Variants in IL1RL2 observed in about 807,000 individuals in gnomAD.
IL1RL2 encodes interleukin 1 receptor like 2.
In IL1RL2, 68 loss-of-function variants were observed where a neutral mutation model predicts 66.8. The observed-to-expected ratio is 1.02, with a 90% CI of 0.84 to 1.25. The LOEUF is 1.25. Among genes scored for constraint, IL1RL2 ranks in the 50% most tolerant of loss-of-function variants. IL1RL2 has a pLI of 0.00. For missense variants in IL1RL2, 729 were observed against 709.3 expected, an observed-to-expected ratio of 1.03 and a Z score of -0.32; for synonymous variants, 305 against 264.6, an observed-to-expected ratio of 1.15 and a Z score of -1.48.
At chr2:102,220,396 T>C (rs1690000493) in intron 8 of IL1RL2, among the ~76,000 whole-genome samples, 1 of 152,236 alleles carries the variant, frequency 6.6e-6, no homozygotes, top group Non-Finnish European at 1.5e-5. Context: ...ATTTTTACCA[T>C]GGAACTTTGT....
At chr2:102,224,924 C>T (rs928519186) in intron 8 of IL1RL2, among the ~76,000 whole-genome samples, 12 of 152,152 alleles carry the variant, frequency 7.9e-5, no homozygotes, top group Non-Finnish European at 1.8e-4. Context: ...AACCCTCTTC[C>T]TCCCCTCCTC....
chr2:102,194,906 CA>C (rs1687535012), intron 4 of IL1RL2, among the ~76,000 whole-genome samples: 2 of 137,010 alleles, frequency 1.5e-5, no homozygotes, highest in African/African-American at 2.5e-5. Context: ...CAGGAGGTAT[CA>C]TTTTTTTTTT....
chr2:102,187,344 T>C, intron 1 of IL1RL2: 1 of 1,168,452 alleles, frequency 8.6e-7, no homozygotes, highest in East Asian at 6.0e-5. Context: ...CCTTGCCAGG[T>C]AGGCCTGCCC....
Position 102,195,629 on chromosome 2 carries a change from C to CTTTCCTTCTT in IL1RL2, c.489+3510_489+3511insTTCCTTCTTT, listed in dbSNP as rs1379287788. On this transcript the variant is annotated intron_variant, in intron 4 of 11. Transcript: ENST00000264257. ...TCTTTCTTTCTTTCTTTCTTTCTTTCTCTCTCTCTCTCTCTCTCTTTCTTT... is the reference window on the plus strand; with the variant it reads ...TCTTTCTTTCTTTCTTTCTTTCTTTCTTTCCTTCTTTCTCTCTCTCTCTCTCTCTTTCTTT... Among the ~76,000 whole-genome samples, 32 of 17,344 alleles carry CTTTCCTTCTT rather than the reference C, an allele frequency of 1.8e-3. 1 individual carries two copies. The highest frequency in any genetic ancestry group is 3.9e-3 in the African/African-American group (31 of 7,906). The allele number at this position is 17,344 out of a possible 152,430, so 11.4% of individuals were successfully genotyped here. A position where few individuals can be genotyped will look rare whatever the true frequency, so the allele number is the denominator to read the frequency against.
At chr2:102,207,899 G>A (rs764675747) in intron 5 of IL1RL2, among the ~76,000 whole-genome samples, 1 of 152,170 alleles carries the variant, frequency 6.6e-6, no homozygotes, top group Non-Finnish European at 1.5e-5. Flanking sequence ...AGATTTACAG[G>A]AACTCAAGTT....
intron 4 of IL1RL2, 61 bp downstream of exon 4, chr2:102,192,181 A>T (rs1157017132): frequency 8.5e-7 from 1 of 1,182,034 alleles, no homozygotes; most frequent in Non-Finnish European, 1.2e-6. Flanking sequence ...ACTGTTTTTT[A>T]TAGGTTAAGT....
chr2:102,201,695 ATG>A lies in IL1RL2; in HGVS notation c.630_631del (p.Asn210LysfsTer18), dbSNP rs747709241. 1.5e-5 allele frequency: 25 copies of A among 1,613,952 alleles called. No individual in the cohort carries two copies. The South Asian group carries it at 2.6e-4, about 17-fold the overall frequency. On this transcript the variant is annotated frameshift_variant, in exon 5 of 12. Coordinates refer to ENST00000264257, the MANE Select transcript of IL1RL2 (RefSeq NM_003854.4). LOFTEE classifies it high-confidence loss of function. ...TCAGGGAAGCAGTACGAGGTTTTAA[ATG>A]GCATCACTGTGAGCATTAGTAAGTA...
At chr2:102,237,082 C>T (rs1312418048) in intron 11 of IL1RL2, among the ~76,000 whole-genome samples, 2 of 152,116 alleles carry the variant, frequency 1.3e-5, no homozygotes, top group Non-Finnish European at 2.9e-5. Context: ...GCTAGAGAAT[C>T]CATTTTCTAA....
At chr2:102,227,095 T>A (rs1006698777) in intron 9 of IL1RL2, among the ~76,000 whole-genome samples, 2 of 152,222 alleles carry the variant, frequency 1.3e-5, no homozygotes, top group Non-Finnish European at 2.9e-5. Flanking sequence ...TTTGTTTTGT[T>A]TTGTTTTGTC....
At chr2:102,221,804 G>A (rs533899955) in intron 8 of IL1RL2, among the ~76,000 whole-genome samples, 2 of 152,294 alleles carry the variant, frequency 1.3e-5, no homozygotes, top group East Asian at 1.9e-4. Context: ...TTCCTTCCAC[G>A]ACTGTTGTAA....
chr2:102,187,919 A>G lies in IL1RL2; in HGVS notation c.52A>G (p.Thr18Ala), dbSNP rs1300727935. The G allele has an allele frequency of 6.2e-7, 1 of 1,613,476 alleles. No homozygotes were observed. The highest frequency in any genetic ancestry group is 8.5e-7 in the Non-Finnish European group (1 of 1,179,866). Residue 18 changes from threonine to alanine, a missense_variant, in exon 2 of 12, where the codon ACA (threonine) becomes GCA (alanine). Coordinates refer to ENST00000264257, the MANE Select transcript of IL1RL2 (RefSeq NM_003854.4). ...GLSIALPLSV[T>A]ADGCKDIFMK... ...GTCCATCGCCCTTCCACTGTCTGTC[A>G]CAGCAGGTACGTTCCGTGTGTCCTC... is the stretch of plus-strand genomic sequence containing the variant.
At chr2:102,203,991 T>A (rs1260745983) in intron 5 of IL1RL2, among the ~76,000 whole-genome samples, 1 of 152,070 alleles carries the variant, frequency 6.6e-6, no homozygotes, top group East Asian at 1.9e-4. Flanking sequence ...TTGTTTGAAG[T>A]TTTTCCTCTT....
At chr2:102,240,361 CTTTTTTTTTTT>C (rs551743835), downstream of IL1RL2, among the ~76,000 whole-genome samples, 163 of 79,808 alleles carry the variant, frequency 2.0e-3, 1 homozygote, top group Non-Finnish European at 3.0e-3. Context: ...TCTTCTCCTC[CTTTTTTTTTTT>C]TTTTTTTTTT....
chr2:102,188,096 G>A (rs1010509878), intron 2 of IL1RL2, among the ~76,000 whole-genome samples, 171 bp downstream of exon 2: 2 of 152,176 alleles, frequency 1.3e-5, no homozygotes, highest in Admixed American at 6.5e-5. Flanking sequence ...CCACGTGCTC[G>A]GATGCTCAGC....
intron 6 of IL1RL2, among the ~76,000 whole-genome samples, chr2:102,218,457 A>AAT (rs1462142064): frequency 6.6e-6 from 1 of 152,132 alleles, no homozygotes; most frequent in Non-Finnish European, 1.5e-5. Flanking sequence ...GTGAAGCAGA[A>AAT]ATATCACTGG....
intron 8 of IL1RL2, among the ~76,000 whole-genome samples, 178 bp downstream of exon 8, chr2:102,220,195 T>C (rs1416957786): frequency 2.6e-5 from 4 of 152,134 alleles, no homozygotes; most frequent in African/African-American, 7.2e-5. Context: ...GTTGTTGGAG[T>C]GAGGCTGTGA....
At chr2:102,188,381 T>G (rs371787670) in intron 2 of IL1RL2, among the ~76,000 whole-genome samples, 87 of 152,098 alleles carry the variant, frequency 5.7e-4, no homozygotes, top group Middle Eastern at 3.4e-3. Context: ...TCAGGAGATC[T>G]AGACCATCCT....
At chr2:102,233,454 G>T (rs371650988) in intron 10 of IL1RL2, among the ~76,000 whole-genome samples, 4 of 152,206 alleles carry the variant, frequency 2.6e-5, no homozygotes, top group African/African-American at 9.7e-5. Context: ...CTGAAAGGTG[G>T]CGAGTGGTCA....
rs771397118 is a variant in IL1RL2, at chr2:102,192,001, G to A, written c.370G>A (p.Gly124Ser). 2.5e-6 allele frequency: 4 copies of A among 1,612,464 alleles called. No individual in the cohort carries two copies. Among genetic ancestry groups the A allele is most frequent in the Middle Eastern group, 1.7e-4 (1 of 6,056 alleles). ...ACATTGGTGTGACACTTCCATAGGT[G>A]GTTTACCAAATTTATCAGATGAGTA... ...EKHWCDTSIGGLPNLSDEYKQ... is the reference protein window; with the variant it reads ...EKHWCDTSIGSLPNLSDEYKQ... Residue 124 changes from glycine (G) to serine (S), a missense_variant, in exon 4 of 12, where the codon GGT becomes AGT. Transcript: ENST00000264257.
Sources: gnomAD v4.1 joint callset for allele counts (sites outside exome capture counted in the v4.1 genomes callset) on GRCh38, gnomAD v4.1.1 for gene constraint, MANE v1.5 for transcripts, NCBI Gene and HGNC (gene_info 2026-07-23, HGNC 2026-07-21) for gene names.